NPAS3: variants seen among roughly 807,000 people sequenced by gnomAD.
NPAS3 encodes neuronal PAS domain-containing protein 3.
In NPAS3, 14 loss-of-function variants were observed where a neutral mutation model predicts 73.1. The observed-to-expected ratio is 0.19, with a 90% CI of 0.13 to 0.30. The LOEUF (loss-of-function observed/expected upper bound fraction) is 0.30, where lower values mean the gene tolerates loss of function less well. Ranked by LOEUF, NPAS3 falls within the 10% of genes least tolerant of loss-of-function variation. NPAS3 has a pLI of 1.00. For synonymous variants in NPAS3, 620 were observed against 541.5 expected (o/e 1.14, Z -2.01); for missense variants, 1,096 against 1,250.0 (o/e 0.88, Z 1.86).
intron 6 of NPAS3, among the ~76,000 whole-genome samples, chr14:33,701,897 G>T (rs1433364652): frequency 6.6e-6 from 1 of 152,196 alleles, no homozygotes; most frequent in African/African-American, 2.4e-5. Context: ...CTACAAAGAT[G>T]AATAAGAAAT....
intron 5 of NPAS3, among the ~76,000 whole-genome samples, chr14:33,602,934 A>T (rs974268663): frequency 5.3e-5 from 8 of 152,164 alleles, no homozygotes; most frequent in African/African-American, 1.9e-4. Context: ...TCTCAGTGAT[A>T]TTTCAGGAAC....
At chr14:33,691,712 G>A in intron 6 of NPAS3, among the ~76,000 whole-genome samples, 1 of 152,154 alleles carries the variant, frequency 6.6e-6, no homozygotes, top group East Asian at 1.9e-4. Context: ...CACTTTCATA[G>A]TAAGGCAAAG....
chr14:33,328,842 G>A (rs1182065986), intron 3 of NPAS3, among the ~76,000 whole-genome samples: 1 of 152,044 alleles, frequency 6.6e-6, no homozygotes, highest in African/African-American at 2.4e-5. Context: ...TGTATTTATA[G>A]ATATATATTT....
intron 2 of NPAS3, among the ~76,000 whole-genome samples, chr14:33,136,039 T>A (rs148676050): frequency 1.3e-5 from 2 of 150,798 alleles, no homozygotes; most frequent in African/African-American, 4.9e-5. Context: ...GCCATTCATG[T>A]GCAATAACTA....
chr14:33,604,232 A>G (rs2057486088), intron 5 of NPAS3, among the ~76,000 whole-genome samples: 3 of 152,130 alleles, frequency 2.0e-5, no homozygotes, highest in African/African-American at 7.2e-5. Flanking sequence ...TTGTCAGATT[A>G]TATAAGCAAG....
intron 2 of NPAS3, among the ~76,000 whole-genome samples, chr14:33,077,774 G>GTTTTTTTTGTTTTTT (rs2041710577): frequency 1.1e-5 from 1 of 87,470 alleles, no homozygotes; most frequent in Admixed American, 1.5e-4. Context: ...TGCAGTAAGG[G>GTTTTTTTTGTTTTTT]TTTTTTTTTT....
intron 2 of NPAS3, among the ~76,000 whole-genome samples, chr14:33,097,490 A>G (rs2042456205): frequency 6.6e-6 from 1 of 151,902 alleles, no homozygotes; most frequent in African/African-American, 2.4e-5. Context: ...AGATATGAAC[A>G]TTGTTGTACA....
At chr14:33,213,238 C>A (rs199594641) in intron 2 of NPAS3, among the ~76,000 whole-genome samples, 3 of 151,278 alleles carry the variant, frequency 2.0e-5, no homozygotes, top group South Asian at 2.1e-4. Flanking sequence ...CTTACTGGAC[C>A]AAAAAAAAAT....
chr14:33,105,168 T>A (rs1468723874), intron 2 of NPAS3, among the ~76,000 whole-genome samples: 4 of 152,214 alleles, frequency 2.6e-5, no homozygotes, highest in Admixed American at 2.6e-4. Flanking sequence ...ATAGTCATGT[T>A]TGTTAAATGC....
intron 4 of NPAS3, among the ~76,000 whole-genome samples, chr14:33,500,584 A>G (rs976214515): frequency 6.6e-6 from 1 of 151,944 alleles, no homozygotes; most frequent in Non-Finnish European, 1.5e-5. Context: ...AAGAGTTACC[A>G]GAGGAGAATA....
chr14:33,590,212 G>C (rs570440984), intron 5 of NPAS3, among the ~76,000 whole-genome samples: 26 of 152,288 alleles, frequency 1.7e-4, no homozygotes, highest in African/African-American at 6.0e-4. Flanking sequence ...TGAAGTTTTA[G>C]AGTCTTGGAC....
At chr14:33,478,102 T>C (rs1300650420) in intron 4 of NPAS3, among the ~76,000 whole-genome samples, 1 of 152,096 alleles carries the variant, frequency 6.6e-6, no homozygotes, top group African/African-American at 2.4e-5. Flanking sequence ...CAGGAAAAAT[T>C]AGGGAAAGAG....
intron 5 of NPAS3, among the ~76,000 whole-genome samples, chr14:33,636,900 T>G (rs1012460014): frequency 1.6e-5 from 2 of 124,284 alleles, no homozygotes; most frequent in African/African-American, 8.9e-5. Context: ...ACACTCGGAG[T>G]GTGCACACAC....
At chr14:33,496,128 C>T (rs1041442152) in intron 4 of NPAS3, among the ~76,000 whole-genome samples, 1 of 152,052 alleles carries the variant, frequency 6.6e-6, no homozygotes, top group African/African-American at 2.4e-5. Flanking sequence ...GACACATACA[C>T]CCTCCCAAGA....
At chr14:33,345,364 G>C (rs1299808765) in intron 3 of NPAS3, among the ~76,000 whole-genome samples, 7 of 152,186 alleles carry the variant, frequency 4.6e-5, no homozygotes, top group African/African-American at 1.7e-4. Flanking sequence ...TTTCAGATGT[G>C]ATTTAAAAAT....
intron 3 of NPAS3, among the ~76,000 whole-genome samples, chr14:33,240,780 A>T (rs2048189361): frequency 6.6e-6 from 1 of 151,848 alleles, no homozygotes; most frequent in Non-Finnish European, 1.5e-5. Context: ...CCTCTTAGGG[A>T]CTTAATATTT....
Position 33,267,810 on chromosome 14 carries a change from C to T in NPAS3, c.385+52384C>T, listed in dbSNP as rs569380404. On this transcript the variant is annotated intron_variant, in intron 3 of 11. Transcript: ENST00000356141. ...GTTTGAATCCAGCAAAACGTGGAGC[C>T]CAGCATTGGGCATGCAGAGGAGTGC... Among the ~76,000 whole-genome samples the T allele has an allele frequency of 8.5e-5, 13 of 152,220 alleles. No individual in the cohort carries two copies. The East Asian group carries it at 2.5e-3, about 29-fold the overall frequency.
chr14:33,702,168 C>A (rs1341584437), intron 6 of NPAS3, among the ~76,000 whole-genome samples: 3 of 152,200 alleles, frequency 2.0e-5, no homozygotes, highest in African/African-American at 7.2e-5. Flanking sequence ...CTTTCAAATT[C>A]TCTTTAAACA....
rs115693233 is a variant in NPAS3 at position 33,488,764 on chromosome 14, G to A, written c.469-71357G>A. Among the ~76,000 whole-genome samples, 567 of 152,220 alleles carry A rather than the reference G, an allele frequency of 3.7e-3. 3 individuals carry two copies. The highest frequency in any genetic ancestry group is 0.013 in the African/African-American group (538 of 41,530). On this transcript the variant is annotated intron_variant, in intron 4 of 11. Transcript: ENST00000356141. ...TGCCGTCTCGCTGGCACAGTTCTGG[G>A]TGTGCACAGAGCTGGCAGAACTGGA...
Sources: gnomAD v4.1 joint callset for allele counts (sites outside exome capture counted in the v4.1 genomes callset) on GRCh38, gnomAD v4.1.1 for gene constraint, MANE v1.5 for transcripts, NCBI Gene and HGNC (gene_info 2026-07-23, HGNC 2026-07-21) for gene names.